MRPS9: variants seen among roughly 807,000 people sequenced by gnomAD.
The protein encoded by MRPS9 is mitochondrial ribosomal protein S9.
A neutral mutation model predicts 59.9 loss-of-function variants in MRPS9; 45 were observed. The ratio of observed to expected loss-of-function variants is 0.75; its 90% CI spans 0.59 to 0.96. MRPS9 has a LOEUF of 0.96. Ranked by LOEUF, MRPS9 falls within the 40% of genes least tolerant of loss-of-function variation. The pLI, the probability that MRPS9 is intolerant of heterozygous loss-of-function variation, is 0.00. For synonymous variants in MRPS9, 171 were observed against 166.8 expected, an observed-to-expected ratio of 1.03 and a Z score of -0.19; for missense variants, 473 against 481.1, an observed-to-expected ratio of 0.98 and a Z score of 0.16.
At chr2:105,079,376 C>T (rs915012514) in intron 4 of MRPS9, among the ~76,000 whole-genome samples, 1 of 152,082 alleles carries the variant, frequency 6.6e-6, no homozygotes, top group East Asian at 1.9e-4. Flanking sequence ...AGACTAACAC[C>T]ACTTCTCAGT....
intron 2 of MRPS9, among the ~76,000 whole-genome samples, chr2:105,056,851 T>G (rs1679799403): frequency 6.6e-6 from 1 of 152,146 alleles, no homozygotes; most frequent in Non-Finnish European, 1.5e-5. Flanking sequence ...TGGATAAAAT[T>G]TTTTAATAAA....
At chr2:105,038,542 T>G in intron 1 of MRPS9, 2 of 309,070 alleles carry the variant, frequency 6.5e-6, no homozygotes, top group East Asian at 7.9e-5. Flanking sequence ...GGTCCAGTCC[T>G]ACCCTGCCCT....
chr2:105,064,997 A>G (rs569509648), intron 2 of MRPS9, among the ~76,000 whole-genome samples: 55 of 152,100 alleles, frequency 3.6e-4, no homozygotes, highest in Non-Finnish European at 6.8e-4. Context: ...ATGCCGTTTT[A>G]TGTGTACTAT....
intron 2 of MRPS9, among the ~76,000 whole-genome samples, chr2:105,067,756 A>G (rs796745868): frequency 5.2e-5 from 7 of 135,776 alleles, no homozygotes; most frequent in Non-Finnish European, 9.9e-5. Flanking sequence ...GTGTGTGTGT[A>G]TGTGTACATG....
Position 105,038,231 on chromosome 2 carries a change from A to G in MRPS9, c.135+4A>G. On this transcript the variant is annotated splice_donor_region_variant and intron_variant, in intron 1 of 10. Coordinates refer to ENST00000258455, the MANE Select transcript of MRPS9 (RefSeq NM_182640.3). The stretch of plus-strand genomic sequence containing the variant: ...GCAAACAAATGTCAGATCCCAGGTA[A>G]GGCCTGGGAAGACTGGAAGCGGCTT... 5 of 1,609,186 alleles carry G rather than the reference A, an allele frequency of 3.1e-6. No homozygotes were observed. Among genetic ancestry groups the G allele is most frequent in the Non-Finnish European group, 4.2e-6 (5 of 1,177,748 alleles).
At chr2:105,064,563 C>T (rs560941814) in intron 2 of MRPS9, among the ~76,000 whole-genome samples, 2 of 152,254 alleles carry the variant, frequency 1.3e-5, no homozygotes, top group Admixed American at 1.3e-4. Flanking sequence ...GTGGGCCTCA[C>T]CCCTTTGTGA....
intron 1 of MRPS9, among the ~76,000 whole-genome samples, chr2:105,041,219 A>G (rs182081020): frequency 2.0e-5 from 3 of 152,330 alleles, no homozygotes; most frequent in African/African-American, 7.2e-5. Flanking sequence ...TAAATCCTCT[A>G]TCAATATAGC....
At chr2:105,039,885 C>A (rs921307477) in intron 1 of MRPS9, among the ~76,000 whole-genome samples, 2 of 152,166 alleles carry the variant, frequency 1.3e-5, no homozygotes, top group Admixed American at 6.5e-5. Context: ...ATTCTTGAAA[C>A]AACCTCTTTC....
intron 2 of MRPS9, among the ~76,000 whole-genome samples, chr2:105,068,856 G>A (rs897188752): frequency 1.3e-5 from 2 of 152,146 alleles, no homozygotes; most frequent in Non-Finnish European, 2.9e-5. Context: ...TTATGCATGG[G>A]GATTTGGTTG....
intron 1 of MRPS9, among the ~76,000 whole-genome samples, chr2:105,046,950 A>G (rs899578919): frequency 2.0e-5 from 3 of 151,992 alleles, no homozygotes; most frequent in Admixed American, 6.6e-5. Flanking sequence ...ATGTGAAGCA[A>G]CATTCTCCAT....
chr2:105,097,374 G>A (rs1372464653), intron 10 of MRPS9, 50 bp downstream of exon 10: 2 of 1,424,960 alleles, frequency 1.4e-6, no homozygotes, highest in Non-Finnish European at 1.9e-6. Context: ...GGCTATACAT[G>A]TTCATCTGCT....
In MRPS9 at chr2:105,099,608, G is replaced by A. The variant is rs949998442; in HGVS notation, c.1100-62G>A. 31 of 1,491,802 alleles carry A rather than the reference G, an allele frequency of 2.1e-5. No individual in the cohort carries two copies. The African/African-American group carries it at 3.4e-4, about 16-fold the overall frequency. The allele number at this position is 1,491,802 out of a possible 1,614,324, so 92.4% of individuals were successfully genotyped here. On this transcript the variant is annotated intron_variant, in intron 10 of 10. Coordinates refer to ENST00000258455, the MANE Select transcript of MRPS9 (RefSeq NM_182640.3). ...ACAGTACCTATAAATTTATGAACCT[G>A]CTTTTCTTCTGGGCAGCATGCATAT...
intron 2 of MRPS9, among the ~76,000 whole-genome samples, chr2:105,065,004 C>G (rs1335553148): frequency 6.6e-6 from 1 of 152,130 alleles, no homozygotes; most frequent in East Asian, 1.9e-4. Flanking sequence ...TTTATGTGTA[C>G]TATTACAGCA....
intron 2 of MRPS9, among the ~76,000 whole-genome samples, chr2:105,056,293 C>T (rs1393444063): frequency 6.6e-6 from 1 of 151,720 alleles, no homozygotes; most frequent in African/African-American, 2.4e-5. Flanking sequence ...TTTCAGTCTC[C>T]CCAACCTTAT....
At chr2:105,084,197 A>G (rs1474757575) in intron 5 of MRPS9, among the ~76,000 whole-genome samples, 1 of 151,240 alleles carries the variant, frequency 6.6e-6, no homozygotes, top group Non-Finnish European at 1.5e-5. Flanking sequence ...TTTTCAAAGT[A>G]TTTCTTTAAA....
At chr2:105,041,732 C>T (rs923854123) in intron 1 of MRPS9, among the ~76,000 whole-genome samples, 2 of 152,058 alleles carry the variant, frequency 1.3e-5, no homozygotes, top group African/African-American at 2.4e-5. Flanking sequence ...TGCCCTACCC[C>T]GATAATTTTT....
chr2:105,049,239 T>G lies in MRPS9; in HGVS notation c.204T>G (p.Thr68=). ...ACGTTCCTACCTCAAAACGTGAAACTTACACAGAGGATTTTATTAAAAAGC... is the reference window on the plus strand; with the variant it reads ...ACGTTCCTACCTCAAAACGTGAAACGTACACAGAGGATTTTATTAAAAAGC... ...KKNVPTSKRE[T]YTEDFIKKQI... The change falls in exon 2 of 11, where the codon ACT becomes ACG. Residue 68 remains threonine, a synonymous_variant. Coordinates refer to ENST00000258455, the MANE Select transcript of MRPS9 (RefSeq NM_182640.3). 6.2e-7 allele frequency: 1 copy of G among 1,613,538 alleles called. No individual in the cohort carries two copies. Among genetic ancestry groups the G allele is most frequent in the African/African-American group, 1.3e-5 (1 of 74,992 alleles).
intron 9 of MRPS9, among the ~76,000 whole-genome samples, chr2:105,095,442 T>C (rs1680637869): frequency 6.6e-6 from 1 of 152,010 alleles, no homozygotes; most frequent in South Asian, 2.1e-4. Context: ...TGGAGCCAGA[T>C]GGTCGAGGTA....
intron 9 of MRPS9, among the ~76,000 whole-genome samples, chr2:105,096,224 A>G (rs950196648): frequency 2.0e-5 from 3 of 152,050 alleles, no homozygotes; most frequent in African/African-American, 7.2e-5. Flanking sequence ...TAGCACTTGA[A>G]TGTCCTGTCC....
Sources: gnomAD v4.1 joint callset for allele counts (sites outside exome capture counted in the v4.1 genomes callset) on GRCh38, gnomAD v4.1.1 for gene constraint, MANE v1.5 for transcripts, NCBI Gene and HGNC (gene_info 2026-07-23, HGNC 2026-07-21) for gene names.